The following SREBF1 variants were observed in gnomAD, a reference collection of about 807,000 sequenced individuals.
SREBF1 encodes sterol regulatory element binding transcription factor 1.
SREBF1 carries 45 observed loss-of-function variants against 100.1 expected under a neutral mutation model. That is an observed-to-expected ratio of 0.45 (90% CI 0.35 to 0.58). The LOEUF (loss-of-function observed/expected upper bound fraction) is 0.58, where lower values mean the gene tolerates loss of function less well. Among genes scored for constraint, SREBF1 ranks in the 20% least tolerant of loss-of-function variants. SREBF1 has a pLI of 0.00. For missense variants in SREBF1, 1,324 were observed against 1,539.4 expected, an observed-to-expected ratio of 0.86 and a Z score of 2.34; for synonymous variants, 657 against 681.8, an observed-to-expected ratio of 0.96 and a Z score of 0.57.
intron 1 of SREBF1, among the ~76,000 whole-genome samples, chr17:17,821,152 T>TACACACACACAC (rs60948138): frequency 1.5e-4 from 23 of 149,490 alleles, no homozygotes; most frequent in African/African-American, 2.0e-4. Flanking sequence ...TCCACACACA[T>TACACACACACAC]ACACACACAC....
intron 17 of SREBF1, 31 bp downstream of exon 17, chr17:17,813,538 C>T (rs760352664): frequency 5.0e-6 from 8 of 1,591,876 alleles, no homozygotes; most frequent in Non-Finnish European, 6.8e-6. Context: ...CCTGACTCCC[C>T]GTCTTGAGGA....
intron 1 of SREBF1, among the ~76,000 whole-genome samples, chr17:17,826,156 C>CAACA (rs1051256637): frequency 3.9e-5 from 6 of 152,170 alleles, no homozygotes; most frequent in African/African-American, 1.4e-4. Context: ...ATCCATCACT[C>CAACA]AACAGTCTCA....
At chr17:17,816,156 G>T (rs773672551) in intron 11 of SREBF1, 51 bp downstream of exon 11, 4 of 798,222 alleles carry the variant, frequency 5.0e-6, no homozygotes, top group Non-Finnish European at 6.2e-6. Context: ...TACCCAGGGA[G>T]CCTCTGGAGA....
intron 1 of SREBF1, chr17:17,823,690 AGCCCCGCCCCGCCTGCAG>A (rs2034288829): frequency 1.3e-6 from 1 of 744,124 alleles, no homozygotes; most frequent in Non-Finnish European, 1.6e-6. Context: ...GCCCCGCCCC[AGCCCCGCCCCGCCTGCAG>A]GTCCCGCCCC....
intron 1 of SREBF1, among the ~76,000 whole-genome samples, chr17:17,833,259 T>C (rs557219085): frequency 1.3e-5 from 2 of 150,694 alleles, no homozygotes; most frequent in South Asian, 4.2e-4. Context: ...CCATCTCTAC[T>C]AAAAATACAA....
intron 14 of SREBF1, 24 bp downstream of exon 14, chr17:17,814,811 C>A (rs1470743785): frequency 6.2e-7 from 1 of 1,605,970 alleles, no homozygotes; most frequent in Admixed American, 1.7e-5. Flanking sequence ...GAGAAGGGAG[C>A]CAGGACAGGG....
intron 1 of SREBF1, among the ~76,000 whole-genome samples, chr17:17,832,094 C>G (rs1022934578): frequency 6.6e-6 from 1 of 152,194 alleles, no homozygotes; most frequent in African/African-American, 2.4e-5. Context: ...TTCTTAGGAG[C>G]CCAGTGCTTA....
In SREBF1 at chr17:17,816,283, G is replaced by T; in HGVS notation, c.2138C>A (p.Ala713Glu). Residue 713 changes from alanine to glutamate, a missense_variant, in exon 11 of 19, where the codon GCG becomes GAG. Coordinates refer to ENST00000261646, the MANE Select transcript of SREBF1 (RefSeq NM_004176.5). Reference sequence around the variant, plus strand: ...CGCCACATAGATCTCGGCCAGCGTCGCCACAGACACGGCATCCCCTGCACA... The same window carrying T: ...CGCCACATAGATCTCGGCCAGCGTCTCCACAGACACGGCATCCCCTGCACA... ...AECAGDAVSV[A>E]TLAEIYVAAA... 1 of 1,493,908 alleles carries T rather than the reference G, an allele frequency of 6.7e-7. No individual in the cohort carries two copies. The highest frequency in any genetic ancestry group is 8.9e-7 in the Non-Finnish European group (1 of 1,127,416). 92.5% of individuals were successfully genotyped at this position (1,493,908 alleles called of 1,614,324 possible). A position where few individuals can be genotyped will look rare whatever the true frequency, so the allele number is the denominator to read the frequency against.
At chr17:17,813,270 C>T (rs1194360850) in intron 18 of SREBF1, 98 bp downstream of exon 18, 25 of 1,258,620 alleles carry the variant, frequency 2.0e-5, no homozygotes, top group Non-Finnish European at 2.6e-5. Flanking sequence ...CTGTCTGTCC[C>T]GTCTGACACA....
intron 1 of SREBF1, among the ~76,000 whole-genome samples, chr17:17,827,503 T>C (rs1198960777): frequency 2.0e-5 from 3 of 152,184 alleles, no homozygotes; most frequent in Non-Finnish European, 2.9e-5. Flanking sequence ...TTGATCCTCC[T>C]AACTGGAGTC....
chr17:17,817,104 G>A lies in SREBF1; in HGVS notation c.1639C>T (p.Pro547Ser). 1 of 1,612,988 alleles carries A rather than the reference G, an allele frequency of 6.2e-7. No homozygotes were observed. The stretch of plus-strand genomic sequence containing the variant: ...AGCCCATTGAGCAGCCAGACCACTG[G>A]GGGCAGCAGCCACTGGGCCCAGCCA... ...GPGWAQWLLP[P>S]VVWLLNGLLV... The change falls in exon 9 of 19, where the codon CCA becomes TCA. Residue 547 changes from proline to serine, a missense_variant. Pro to Ser is a moderately conservative substitution (Grantham distance 74). Transcript: ENST00000261646. This position sits in a 1 kb window ranked among gnomAD's most constrained non-coding sequence, Gnocchi z 6.6.
At position 17,816,545 on chromosome 17, in the gene SREBF1, C is replaced by G. The variant is rs1325155055; in HGVS notation, c.1959G>C (p.Gln653His). The stretch of plus-strand genomic sequence containing the variant: ...CATCCACTCGCAGAGCACAGTCCTG[C>G]TGCAGGCCCCCTGCCCGGCCTGCCA... Reference protein sequence around the residue: ...RWLAGRAGGLQQDCALRVDAS... With the variant: ...RWLAGRAGGLHQDCALRVDAS... Residue 653 changes from glutamine to histidine, a missense_variant, in exon 10 of 19, where the codon CAG becomes CAC. Physicochemically the swap from Gln to His is conservative, Grantham distance 24. Transcript: ENST00000261646. 1.9e-6 allele frequency: 3 copies of G among 1,602,748 alleles called. No individual in the cohort carries two copies. Among genetic ancestry groups the G allele is most frequent in the Non-Finnish European group, 2.6e-6 (3 of 1,175,842 alleles).
In SREBF1 at chr17:17,815,225, C is replaced by A; in HGVS notation, c.2488G>T (p.Asp830Tyr). 3.1e-6 allele frequency: 5 copies of A among 1,613,134 alleles called. No homozygotes were observed. Among genetic ancestry groups the A allele is most frequent in the Non-Finnish European group, 4.2e-6 (5 of 1,179,586 alleles). The change falls in exon 13 of 19, where the codon GAC (aspartate) becomes TAC (tyrosine). Residue 830 changes from aspartate to tyrosine, a missense_variant. Physicochemically the swap from Asp to Tyr is radical, Grantham distance 160. Coordinates refer to ENST00000261646, the MANE Select transcript of SREBF1 (RefSeq NM_004176.5). ...GGAGGGCACAACGACACTTACTTGT[C>A]CCCATCAGCTGACCCAGGGCTGGGG... is the stretch of plus-strand genomic sequence containing the variant. ...PNPSPGSADGDKEFSDALGYL... is the reference protein window; with the variant it reads ...PNPSPGSADGYKEFSDALGYL...
intron 1 of SREBF1, among the ~76,000 whole-genome samples, chr17:17,828,490 A>G (rs1384080240): frequency 7.2e-5 from 11 of 152,344 alleles, no homozygotes; most frequent in Non-Finnish European, 1.0e-4. Context: ...GTCGGCACCA[A>G]TTCAGACACC....
Position 17,814,377 on chromosome 17 carries a change from G to A in SREBF1, c.2769C>T (p.Phe923=), listed in dbSNP as rs1442080607. ...RPLPRAALHS[F]KAARALLGCA... is the part of the protein sequence containing the mutation. ...AGCCCAGCAGGGCCCGGGCAGCCTT[G>A]AAGGAGTGCAGAGCTGCCCTGGGCA... Residue 923 remains phenylalanine, a synonymous_variant, in exon 16 of 19, where the codon TTC becomes TTT. Transcript: ENST00000261646. 6.4e-7 allele frequency: 1 copy of A among 1,564,920 alleles called. No homozygotes were observed. Among genetic ancestry groups the A allele is most frequent in the Non-Finnish European group, 8.7e-7 (1 of 1,154,660 alleles).
At position 17,825,603 on chromosome 17, in the gene SREBF1, C is replaced by CTT. The variant is rs60178339; in HGVS notation, c.92-5084_92-5083dup. ...CTGGGGCTGATCTACTGGCCAATTTCTTTTTTTTTTTTTTTTTTTTTTGAG... is the reference window on the plus strand; with the variant it reads ...CTGGGGCTGATCTACTGGCCAATTTCTTTTTTTTTTTTTTTTTTTTTTTTGAG... On this transcript the variant is annotated intron_variant, in intron 1 of 18. Transcript: ENST00000261646. Among the ~76,000 whole-genome samples, 139 of 92,534 alleles carry CTT rather than the reference C, an allele frequency of 1.5e-3. 1 individual carries two copies. Among genetic ancestry groups the CTT allele is most frequent in the East Asian group, 2.3e-3 (9 of 3,994 alleles). 60.7% of individuals were successfully genotyped at this position (92,534 alleles called of 152,430 possible).
rs2034362924 is a variant in SREBF1, at chr17:17,824,586, G to A, written c.92-4065C>T. ...CTTCCCTCTTTTGTCAAAGGTAAAAGTTACACACACACACACACACAAAGT... is the reference window on the plus strand; with the variant it reads ...CTTCCCTCTTTTGTCAAAGGTAAAAATTACACACACACACACACACAAAGT... On this transcript the variant is annotated intron_variant, in intron 1 of 18. Coordinates refer to ENST00000261646, the MANE Select transcript of SREBF1 (RefSeq NM_004176.5). This position sits in a 1 kb window ranked among gnomAD's most constrained non-coding sequence, Gnocchi z 4.2. 6.6e-6 allele frequency among the ~76,000 whole-genome samples: 1 copy of A among 152,110 alleles called. No homozygotes were observed. The highest frequency in any genetic ancestry group is 1.5e-5 in the Non-Finnish European group (1 of 68,004).
At chr17:17,821,582 A>G (rs1281729763) in intron 1 of SREBF1, among the ~76,000 whole-genome samples, 4 of 152,098 alleles carry the variant, frequency 2.6e-5, no homozygotes, top group Non-Finnish European at 4.4e-5. Context: ...ACTGCTGAGG[A>G]GTGGGTGATT....
At chr17:17,816,799 C>A (rs2033639195) in intron 9 of SREBF1, 81 bp from the exon 10 acceptor site, 34 of 1,573,046 alleles carry the variant, frequency 2.2e-5, no homozygotes, top group Non-Finnish European at 2.8e-5. Context: ...CCACAGCAGG[C>A]TCTGGAGGGG....
Sources: gnomAD v4.1 joint callset for allele counts (sites outside exome capture counted in the v4.1 genomes callset) on GRCh38, gnomAD v4.1.1 for gene constraint, Gnocchi (gnomAD v3.1) non-coding constraint, MANE v1.5 for transcripts, NCBI Gene and HGNC (gene_info 2026-07-23, HGNC 2026-07-21) for gene names.